The following UROC1 variants were observed in gnomAD, a reference collection of about 807,000 sequenced individuals.
UROC1 encodes the protein urocanate hydratase 1.
A neutral mutation model predicts 89.5 loss-of-function variants in UROC1; 79 were observed. The observed-to-expected ratio is 0.88, with a 90% confidence interval of 0.74 to 1.06. The LOEUF is 1.06. UROC1 is among the 50% of genes least tolerant of loss of function. UROC1 has a pLI of 0.00. For synonymous variants in UROC1, 361 were observed against 354.8 expected (o/e 1.02, Z -0.20); for missense variants, 885 against 907.8 (o/e 0.97, Z 0.32).
Position 126,506,008 on chromosome 3 carries a change from G to A in UROC1, c.606C>T (p.Tyr202=), listed in dbSNP as rs149096963. Residue 202 remains tyrosine (Y), a synonymous_variant, in exon 7 of 20, where the codon TAC becomes TAT. Coordinates refer to ENST00000290868, the MANE Select transcript of UROC1 (RefSeq NM_144639.3). Reference sequence around the variant, plus strand: ...AGTAGCTACCTGCTGTCATCTGGCCGTACCTGACCACAGGGAGAGAAGCCA... The same window carrying A: ...AGTAGCTACCTGCTGTCATCTGGCCATACCTGACCACAGGGAGAGAAGCCA... The part of the protein sequence containing the change: ...EKLFALGVTM[Y]GQMTAGSYCY... The A allele has an allele frequency of 5.7e-3, 9,118 of 1,613,372 alleles. 30 individuals are homozygous for A. Among genetic ancestry groups the A allele is most frequent in the Middle Eastern group, 0.013 (78 of 6,062 alleles).
At chr3:126,502,954 A>ATG (rs144044419) in intron 9 of UROC1, among the ~76,000 whole-genome samples, 32,170 of 150,710 alleles carry the variant, frequency 0.21, 4,312 homozygotes, top group Non-Finnish European at 0.3. Flanking sequence ...TGTGTGTTAT[A>ATG]TGTGTGTTTA....
intron 1 of UROC1, among the ~76,000 whole-genome samples, chr3:126,511,617 C>A (rs1936198304): frequency 6.6e-6 from 1 of 152,182 alleles, no homozygotes; most frequent in Non-Finnish European, 1.5e-5. Flanking sequence ...AAAAGTACAA[C>A]AAAGGTTCTG....
In UROC1 at chr3:126,509,594, G is replaced by T. The variant is rs367887276; in HGVS notation, c.342C>A (p.Ala114=). Residue 114 remains alanine (A), a synonymous_variant, in exon 3 of 20, where the codon GCC becomes GCA. Transcript: ENST00000290868. The part of the protein sequence containing the change: ...MHMIMNNLDP[A]VAQFPQELVT... ...TTTCCCTGGCTATTACCTGGGCCAC[G>T]GCAGGATCCAGGTTGTTCATAATCA... 6.4e-7 allele frequency: 1 copy of T among 1,551,836 alleles called. No homozygotes were observed. Among genetic ancestry groups the T allele is most frequent in the Non-Finnish European group, 8.7e-7 (1 of 1,147,070 alleles).
Position 126,507,797 on chromosome 3 carries a change from G to A in UROC1, c.547C>T (p.Pro183Ser). 1.2e-6 allele frequency: 2 copies of A among 1,614,168 alleles called. No individual in the cohort carries two copies. Among genetic ancestry groups the A allele is most frequent in the Non-Finnish European group, 1.7e-6 (2 of 1,180,028 alleles). ...TACTCCGTCCGGGAGGAGTAGTTGG[G>A]AATGACCTGGAGAAGAGGATGGGGG... ...RLVITNGMVI[P>S]NYSSRTEYEK... Residue 183 changes from proline (P) to serine (S), a missense_variant, in exon 6 of 20, where the codon CCC (proline) becomes TCC (serine). Pro to Ser is a moderately conservative substitution (Grantham distance 74). Transcript: ENST00000290868.
intron 15 of UROC1, among the ~76,000 whole-genome samples, chr3:126,494,050 C>T (rs895275802): frequency 2.0e-5 from 3 of 152,302 alleles, no homozygotes; most frequent in African/African-American, 4.8e-5. Context: ...AAAAACTACT[C>T]GTGTGAATCA....
In UROC1 at chr3:126,482,487, T is replaced by C; in HGVS notation, c.1891-2A>G. On this transcript the variant is annotated splice_acceptor_variant, in intron 19 of 19. Coordinates refer to ENST00000290868, the MANE Select transcript of UROC1 (RefSeq NM_144639.3). LOFTEE classifies it high-confidence loss of function. ...CCCTGACCAGCAGCGCCGGGCCACC[T>C]AGGGCAAGGAGGGGGATAGCAGTCC... 6.2e-7 allele frequency: 1 copy of C among 1,613,848 alleles called. No individual in the cohort carries two copies. Among genetic ancestry groups the C allele is most frequent in the Non-Finnish European group, 8.5e-7 (1 of 1,179,994 alleles).
rs546011844 is a variant in UROC1 at position 126,483,944 on chromosome 3, T to C, written c.1791-476A>G. Among the ~76,000 whole-genome samples the C allele has an allele frequency of 9.8e-5, 15 of 152,338 alleles. No homozygotes were observed. In the South Asian group the frequency reaches 3.1e-3, roughly 32 times the overall value. On this transcript the variant is annotated intron_variant, in intron 18 of 19. Transcript: ENST00000290868. ...GCTGCCCAGGATGACCATGAAATCCTGGCCTGAAGCAATCCTCTTGCTTCG... is the reference window on the plus strand; with the variant it reads ...GCTGCCCAGGATGACCATGAAATCCCGGCCTGAAGCAATCCTCTTGCTTCG...
intron 15 of UROC1, among the ~76,000 whole-genome samples, chr3:126,493,126 G>A (rs1935691301): frequency 6.6e-6 from 1 of 152,178 alleles, no homozygotes; most frequent in South Asian, 2.1e-4. Flanking sequence ...AGTAATGGGT[G>A]GTTGTCCCCG....
intron 2 of UROC1, 77 bp from the exon 3 acceptor site, chr3:126,509,755 G>C: frequency 7.4e-7 from 1 of 1,353,740 alleles, no homozygotes. Context: ...CCCAGCCCCT[G>C]GCCGCTCAGG....
intron 15 of UROC1, among the ~76,000 whole-genome samples, chr3:126,495,107 A>G (rs1935747481): frequency 6.6e-6 from 1 of 152,128 alleles, no homozygotes; most frequent in Non-Finnish European, 1.5e-5. Context: ...GGCTGCCTCT[A>G]TTTGTTGAGT....
chr3:126,488,961 G>A (rs1042271967), intron 17 of UROC1, among the ~76,000 whole-genome samples: 1 of 152,146 alleles, frequency 6.6e-6, no homozygotes, highest in African/African-American at 2.4e-5. Context: ...CTATGAAGAT[G>A]GGGAAGAGAC....
chr3:126,507,355 T>TA (rs10709518), intron 6 of UROC1, among the ~76,000 whole-genome samples: 1,574 of 141,098 alleles, frequency 0.011, 24 homozygotes, highest in African/African-American at 0.028. Context: ...GTGAGATGCA[T>TA]AAAAAAAAAA....
rs1935388843 is a variant in UROC1, at chr3:126,481,639, G to A, written c.*706C>T. ...CCCCCATCCCGGTGACCTCTCACGA[G>A]GCTCTGGACCCAGTCATTACCGGGC... On this transcript the variant is annotated 3_prime_UTR_variant, in exon 20 of 20. Coordinates refer to ENST00000290868, the MANE Select transcript of UROC1 (RefSeq NM_144639.3). 1.3e-5 allele frequency: 2 copies of A among 152,174 alleles called. No individual in the cohort carries two copies. The highest frequency in any genetic ancestry group is 1.3e-4 in the Admixed American group (2 of 15,282). The allele number at this position is 152,174 out of a possible 1,614,324, so 9.4% of individuals were successfully genotyped here.
intron 2 of UROC1, 32 bp downstream of exon 2, chr3:126,510,603 AGTCCCTTGCGGGAGCTGCCTGCCCCTCGG>A (rs879912857): frequency 1.6e-4 from 255 of 1,603,336 alleles, no homozygotes; most frequent in Non-Finnish European, 2.1e-4. Context: ...CCCCCAGCAC[AGTCCCTTGCGGGAGCTGCCTGCCCCTCGG>A]GTCCCTTTGA....
At chr3:126,512,583 G>T (rs1260764927) in intron 1 of UROC1, among the ~76,000 whole-genome samples, 1 of 152,022 alleles carries the variant, frequency 6.6e-6, no homozygotes, top group Non-Finnish European at 1.5e-5. Context: ...AAATTGCCAG[G>T]CATGGTGCAT....
At chr3:126,509,759 G>T in intron 2 of UROC1, 81 bp from the exon 3 acceptor site, 1 of 1,323,296 alleles carries the variant, frequency 7.6e-7, no homozygotes, top group Non-Finnish European at 1.1e-6. Flanking sequence ...GCCCCTGGCC[G>T]CTCAGGCAAG....
At chr3:126,495,930 C>A in intron 15 of UROC1, 108 bp downstream of exon 15, 2 of 1,123,234 alleles carry the variant, frequency 1.8e-6, no homozygotes, top group South Asian at 1.3e-5. Flanking sequence ...CAGGGCTTGG[C>A]AAGCTGGAGG....
Position 126,488,109 on chromosome 3 carries a change from G to T in UROC1, c.1790+89C>A, listed in dbSNP as rs187483476. The T allele has an allele frequency of 5.7e-4, 802 of 1,414,478 alleles. 3 individuals are homozygous for T. Among genetic ancestry groups the T allele is most frequent in the Non-Finnish European group, 2.0e-4 (199 of 997,918 alleles). The allele number at this position is 1,414,478 out of a possible 1,614,324, so 87.6% of individuals were successfully genotyped here. On this transcript the variant is annotated intron_variant, in intron 18 of 19. Coordinates refer to ENST00000290868, the MANE Select transcript of UROC1 (RefSeq NM_144639.3). ...AGGTGACCAGGGAGGTAGGGCCCAGGACTTCAGGAACCTCAGCCTGGCCCT... is the reference window on the plus strand; with the variant it reads ...AGGTGACCAGGGAGGTAGGGCCCAGTACTTCAGGAACCTCAGCCTGGCCCT...
chr3:126,495,565 G>A (rs1935757243), intron 15 of UROC1, among the ~76,000 whole-genome samples: 1 of 152,200 alleles, frequency 6.6e-6, no homozygotes, highest in South Asian at 2.1e-4. Flanking sequence ...GAACACCTGG[G>A]TGGCTTCCGC....
Sources: gnomAD v4.1 joint callset for allele counts (sites outside exome capture counted in the v4.1 genomes callset) on GRCh38, gnomAD v4.1.1 for gene constraint, MANE v1.5 for transcripts, NCBI Gene and HGNC (gene_info 2026-07-23, HGNC 2026-07-21) for gene names.